Variants in DST observed in about 807,000 individuals in gnomAD.
DST encodes the protein bullous pemphigoid antigen.
A neutral mutation model predicts 875.2 loss-of-function variants in DST; 253 were observed. That is an observed-to-expected ratio of 0.29 (90% CI 0.26 to 0.32). DST has a LOEUF of 0.32. DST is among the 10% of genes least tolerant of loss of function. The pLI is 1.00. For missense variants in DST, 8,287 were observed against 9,111.6 expected (o/e 0.91, Z 3.68); for synonymous variants, 3,124 against 3,197.1 (o/e 0.98, Z 0.77).
At chr6:56,865,984 G>GT (rs919201191) in intron 3 of DST, among the ~76,000 whole-genome samples, 5 of 150,424 alleles carry the variant, frequency 3.3e-5, no homozygotes, top group African/African-American at 1.2e-4. Flanking sequence ...TTTTGTTTTT[G>GT]TTTTTTTGTT....
At chr6:56,778,560 T>A (rs1359306711) in intron 4 of DST, among the ~76,000 whole-genome samples, 9 of 110,842 alleles carry the variant, frequency 8.1e-5, no homozygotes, top group Non-Finnish European at 1.2e-4. Context: ...CAGGCCCCGG[T>A]GTGTGATGTT....
intron 15 of DST, chr6:56,642,945 C>G: frequency 8.2e-6 from 12 of 1,459,162 alleles, no homozygotes; most frequent in Non-Finnish European, 1.0e-5. Flanking sequence ...ATATGCAACA[C>G]ACAGCAAATA....
At chr6:56,628,698 A>G (rs2098753668) in intron 32 of DST, among the ~76,000 whole-genome samples, 1 of 152,252 alleles carries the variant, frequency 6.6e-6, no homozygotes, top group African/African-American at 2.4e-5. Flanking sequence ...ATGGCACTGT[A>G]TCATAAAAGC....
intron 90 of DST, among the ~76,000 whole-genome samples, chr6:56,480,379 C>A (rs1186635691): frequency 6.6e-6 from 1 of 152,184 alleles, no homozygotes; most frequent in Non-Finnish European, 1.5e-5. Flanking sequence ...CACTTCTACA[C>A]CTAGAGGAGC....
chr6:56,692,954 G>A (rs2099241903), intron 9 of DST: 1 of 1,289,762 alleles, frequency 7.8e-7, no homozygotes, highest in African/African-American at 1.5e-5. Context: ...TTTGAAGGCT[G>A]ACTGCTGCTC....
At chr6:56,624,403 AT>A (rs1230251372) in intron 36 of DST, 126 bp downstream of exon 36, 2 of 719,924 alleles carry the variant, frequency 2.8e-6, no homozygotes, top group Non-Finnish European at 5.0e-6. Flanking sequence ...TTCAATATTT[AT>A]TTGTACATCT....
intron 90 of DST, among the ~76,000 whole-genome samples, chr6:56,480,310 T>C (rs751969529): frequency 3.3e-5 from 5 of 152,074 alleles, no homozygotes; most frequent in Non-Finnish European, 5.9e-5. Context: ...AAAAAATAGG[T>C]TAATCTAACA....
intron 98 of DST, chr6:56,467,623 T>C (rs756755122): frequency 6.6e-6 from 1 of 152,070 alleles, no homozygotes; most frequent in Non-Finnish European, 1.5e-5. Context: ...AACCAGATAA[T>C]GGGACTAGAT....
chr6:56,619,880 A>C (rs2098671008), intron 36 of DST: 1 of 1,614,140 alleles, frequency 6.2e-7, no homozygotes, highest in Non-Finnish European at 8.5e-7. Flanking sequence ...TTCATATGTC[A>C]GCTCTCTCAT....
At chr6:56,635,746 A>G (rs750880518) in intron 23 of DST, 32 bp from the exon 24 acceptor site, 30 of 1,611,318 alleles carry the variant, frequency 1.9e-5, no homozygotes, top group Non-Finnish European at 2.2e-5. Flanking sequence ...AAGTTAAAGT[A>G]TGTTAAATAC....
intron 12 of DST, among the ~76,000 whole-genome samples, chr6:56,650,561 G>A (rs989750971): frequency 6.6e-6 from 1 of 152,080 alleles, no homozygotes; most frequent in African/African-American, 2.4e-5. Context: ...ATTTGAAATT[G>A]TTTTCAAAAC....
At chr6:56,915,022 G>A (rs371268779) in intron 2 of DST, among the ~76,000 whole-genome samples, 9 of 152,168 alleles carry the variant, frequency 5.9e-5, no homozygotes, top group African/African-American at 7.2e-5. Flanking sequence ...CCACAGCCCC[G>A]GGCACAGACA....
chr6:56,521,871 G>C (rs985677763), intron 69 of DST, among the ~76,000 whole-genome samples: 2 of 152,038 alleles, frequency 1.3e-5, no homozygotes, highest in African/African-American at 4.8e-5. Context: ...AAGCAACATG[G>C]AGAGAAATAC....
chr6:56,904,597 T>C (rs968273060), intron 2 of DST, among the ~76,000 whole-genome samples: 1 of 152,174 alleles, frequency 6.6e-6, no homozygotes, highest in African/African-American at 2.4e-5. Context: ...AGCTCACAGC[T>C]ATGATTACAA....
chr6:56,754,100 T>C (rs1347180115), intron 4 of DST, among the ~76,000 whole-genome samples: 1 of 152,148 alleles, frequency 6.6e-6, no homozygotes, highest in Non-Finnish European at 1.5e-5. Flanking sequence ...TGACTTTCGG[T>C]TTCTTTTAGC....
At chr6:56,471,598 T>C (rs2094896044) in intron 94 of DST, among the ~76,000 whole-genome samples, 1 of 152,184 alleles carries the variant, frequency 6.6e-6, no homozygotes, top group Non-Finnish European at 1.5e-5. Flanking sequence ...AGCACTTACC[T>C]AACCCTTCAA....
chr6:56,574,390 A>G (rs1326254451), intron 50 of DST, among the ~76,000 whole-genome samples: 3 of 152,188 alleles, frequency 2.0e-5, no homozygotes, highest in Non-Finnish European at 4.4e-5. Context: ...TCCCTCCTTC[A>G]TACACACGCA....
intron 61 of DST, among the ~76,000 whole-genome samples, chr6:56,544,083 C>A (rs968311581): frequency 1.3e-5 from 2 of 152,272 alleles, no homozygotes; most frequent in Middle Eastern, 3.4e-3. Context: ...CAACAAGCAC[C>A]TGATTCTGTG....
chr6:56,636,065 T>G (rs2098821228), intron 23 of DST, among the ~76,000 whole-genome samples: 1 of 152,138 alleles, frequency 6.6e-6, no homozygotes, highest in Non-Finnish European at 1.5e-5. Flanking sequence ...TTATAGATGG[T>G]TGATTCTCTA....
Sources: gnomAD v4.1 joint callset for allele counts (sites outside exome capture counted in the v4.1 genomes callset) on GRCh38, gnomAD v4.1.1 for gene constraint, MANE v1.5 for transcripts, NCBI Gene and HGNC (gene_info 2026-07-23, HGNC 2026-07-21) for gene names.